Variants in RANGAP1 observed in about 807,000 individuals in gnomAD.
RANGAP1 encodes ran GTPase-activating protein 1.
In RANGAP1, 38 loss-of-function variants were observed where a neutral mutation model predicts 63.5. The ratio of observed to expected loss-of-function variants is 0.60; its 90% CI spans 0.46 to 0.78. The LOEUF (loss-of-function observed/expected upper bound fraction) is 0.78. RANGAP1 is among the 30% of genes least tolerant of loss of function. RANGAP1 has a pLI of 0.00. For synonymous variants in RANGAP1, 329 were observed against 310.5 expected (o/e 1.06, Z -0.63); for missense variants, 630 against 740.3 (o/e 0.85, Z 1.73).
intron 12 of RANGAP1, among the ~76,000 whole-genome samples, chr22:41,252,405 C>A (rs2033519322): frequency 6.6e-6 from 1 of 152,166 alleles, no homozygotes; most frequent in African/African-American, 2.4e-5. Context: ...AAATGCAGTG[C>A]CTGGCAGAAA....
intron 5 of RANGAP1, among the ~76,000 whole-genome samples, chr22:41,264,293 CCCT>C (rs1464167934): frequency 6.6e-6 from 1 of 152,170 alleles, no homozygotes; most frequent in African/African-American, 2.4e-5. Context: ...ACGGTGCCCC[CCCT>C]GAGCATATGC....
At position 41,254,297 on chromosome 22, in the gene RANGAP1, T is replaced by C. The variant is rs372744407; in HGVS notation, c.1260+11A>G. The stretch of plus-strand genomic sequence containing the variant: ...CCAGGGCTCTGATTGTGGCAGATGA[T>C]AGAAACTCACCCCAGTGTTAGGGTC... On this transcript the variant is annotated intron_variant, in intron 11 of 15. Coordinates refer to ENST00000356244, the MANE Select transcript of RANGAP1 (RefSeq NM_002883.4). 5.8e-5 allele frequency: 94 copies of C among 1,613,938 alleles called. No individual in the cohort carries two copies. The highest frequency in any genetic ancestry group is 3.3e-4 in the Middle Eastern group (2 of 6,084).
intron 15 of RANGAP1, 96 bp downstream of exon 15, chr22:41,249,234 G>A: frequency 6.9e-7 from 1 of 1,453,110 alleles, no homozygotes; most frequent in Non-Finnish European, 9.1e-7. Flanking sequence ...CAGGCTGGCT[G>A]GGCTGGGGCT....
intron 5 of RANGAP1, among the ~76,000 whole-genome samples, chr22:41,263,531 C>T (rs2034293172): frequency 6.6e-6 from 1 of 152,136 alleles, no homozygotes. Flanking sequence ...ACTACAGGCA[C>T]CTGCCACCAC....
chr22:41,258,272 A>T (rs1048398449), intron 6 of RANGAP1, among the ~76,000 whole-genome samples, 166 bp from the exon 7 acceptor site: 3 of 152,144 alleles, frequency 2.0e-5, no homozygotes, highest in Non-Finnish European at 4.4e-5. Context: ...TCTTTCCACA[A>T]CCTCCTGAGG....
chr22:41,250,658 C>T (rs2033381730), intron 13 of RANGAP1, among the ~76,000 whole-genome samples: 1 of 152,122 alleles, frequency 6.6e-6, no homozygotes, highest in Non-Finnish European at 1.5e-5. Flanking sequence ...CACAGAAGCT[C>T]CAAGGTGTGG....
chr22:41,278,293 C>T (rs918641134), intron 2 of RANGAP1, among the ~76,000 whole-genome samples: 1 of 152,130 alleles, frequency 6.6e-6, no homozygotes, highest in African/African-American at 2.4e-5. Flanking sequence ...CCCACCTCGG[C>T]CTCCCAAAGT....
chr22:41,295,294 G>C, the RANGAP1 span, among the ~76,000 whole-genome samples: 4 of 151,840 alleles, frequency 2.6e-5, no homozygotes, highest in South Asian at 8.3e-4. Context: ...AAATCGGATG[G>C]TTGCCGTGTC....
In RANGAP1 at chr22:41,251,089, C is replaced by T; in HGVS notation, c.1401G>A (p.Glu467=). The T allele has an allele frequency of 6.2e-7, 1 of 1,614,100 alleles. No homozygotes were observed. The highest frequency in any genetic ancestry group is 1.1e-5 in the South Asian group (1 of 91,078). The change falls in exon 13 of 16, where the codon GAG becomes GAA. Residue 467 remains glutamate (E), a synonymous_variant. Coordinates refer to ENST00000356244, the MANE Select transcript of RANGAP1 (RefSeq NM_002883.4). Reference sequence around the variant, plus strand: ...CCTTTAGGAAGGCAGAGACCACCTTCTCGGGGTCAGACGTGTCAGTCTGAG... The same window carrying T: ...CCTTTAGGAAGGCAGAGACCACCTTTTCGGGGTCAGACGTGTCAGTCTGAG... The part of the protein sequence containing the change: ...IAQQTDTSDP[E]KVVSAFLKVS...
At chr22:41,293,582 TC>T in the RANGAP1 span, among the ~76,000 whole-genome samples, 3,550 of 151,714 alleles carry the variant, frequency 0.023, 139 homozygotes, top group African/African-American at 0.077. Flanking sequence ...ATCGAAACCA[TC>T]CTGGCTCACA....
intron 1 of RANGAP1, among the ~76,000 whole-genome samples, chr22:41,284,305 C>A (rs989857838): frequency 6.6e-6 from 1 of 151,984 alleles, no homozygotes; most frequent in African/African-American, 2.4e-5. Flanking sequence ...CGGTAGCTCA[C>A]GCCTATAATC....
At chr22:41,268,057 G>A in intron 4 of RANGAP1, 40 bp downstream of exon 4, 1 of 1,479,110 alleles carries the variant, frequency 6.8e-7, no homozygotes, top group African/African-American at 1.4e-5. Flanking sequence ...TGCCAAAGAG[G>A]GCCTTGCGCG....
chr22:41,287,453 C>A (rs151309050), upstream of RANGAP1, among the ~76,000 whole-genome samples: 1 of 145,928 alleles, frequency 6.9e-6, no homozygotes, highest in Admixed American at 7.0e-5. Context: ...GGATTATAGG[C>A]GAGAGAGTGT....
upstream of RANGAP1, among the ~76,000 whole-genome samples, chr22:41,286,505 G>C (rs1045550744): frequency 6.6e-6 from 1 of 152,374 alleles, no homozygotes; most frequent in East Asian, 1.9e-4. Flanking sequence ...GTTGCACCCA[G>C]GTCCCTCAGC....
upstream of RANGAP1, among the ~76,000 whole-genome samples, chr22:41,289,643 G>A (rs149385118): frequency 7.8e-4 from 118 of 152,142 alleles, no homozygotes; most frequent in East Asian, 2.7e-3. Flanking sequence ...AATCATCACT[G>A]TTTCCAAGCA....
intron 1 of RANGAP1, chr22:41,284,885 G>A (rs908780667): frequency 2.0e-5 from 3 of 152,320 alleles, no homozygotes; most frequent in African/African-American, 7.2e-5. Flanking sequence ...AACCAGCCCA[G>A]TGCAATAACT....
the RANGAP1 span, among the ~76,000 whole-genome samples, chr22:41,296,688 G>A: frequency 1.3e-5 from 2 of 151,030 alleles, no homozygotes; most frequent in African/African-American, 4.9e-5. Context: ...TCAATGCTAT[G>A]CATATAATAA....
At chr22:41,283,651 CAA>C (rs1569215682) in intron 1 of RANGAP1, among the ~76,000 whole-genome samples, 1 of 152,108 alleles carries the variant, frequency 6.6e-6, no homozygotes, top group Non-Finnish European at 1.5e-5. Context: ...AAGGGAATAG[CAA>C]ATGCAATGGC....
At chr22:41,279,438 C>G (rs892874956) in intron 2 of RANGAP1, among the ~76,000 whole-genome samples, 1 of 151,812 alleles carries the variant, frequency 6.6e-6, no homozygotes, top group East Asian at 1.9e-4. Flanking sequence ...CCACTGCACT[C>G]CAGCCTGGGT....
Sources: gnomAD v4.1 joint callset for allele counts (sites outside exome capture counted in the v4.1 genomes callset) on GRCh38, gnomAD v4.1.1 for gene constraint, MANE v1.5 for transcripts, NCBI Gene and HGNC (gene_info 2026-07-23, HGNC 2026-07-21) for gene names.